ZFHX3: variants seen among roughly 807,000 people sequenced by gnomAD.
The protein encoded by ZFHX3 is zinc finger homeobox protein 3.
A neutral mutation model predicts 279.1 loss-of-function variants in ZFHX3; 42 were observed. The observed-to-expected ratio is 0.15, with a 90% CI of 0.12 to 0.19. The LOEUF is 0.19. Ranked by LOEUF, ZFHX3 falls within the 10% of genes least tolerant of loss-of-function variation. The probability of loss-of-function intolerance (pLI) is 1.00; values close to 1 mark genes in which losing one functional copy is unlikely to be tolerated. For missense variants in ZFHX3, 4,981 were observed against 4,754.0 expected, an observed-to-expected ratio of 1.05 and a Z score of -1.40; for synonymous variants, 2,293 against 1,957.8, an observed-to-expected ratio of 1.17 and a Z score of -4.52.
At chr16:73,509,900 T>A (rs1373389293) in intron 2 of ZFHX3, among the ~76,000 whole-genome samples, 1 of 152,164 alleles carries the variant, frequency 6.6e-6, no homozygotes, top group African/African-American at 2.4e-5. Context: ...TTCACCATGT[T>A]GGCCAGGCTG....
intron 2 of ZFHX3, among the ~76,000 whole-genome samples, chr16:73,621,232 CA>C (rs1035731728): frequency 6.6e-6 from 1 of 152,192 alleles, no homozygotes; most frequent in African/African-American, 2.4e-5. Flanking sequence ...TTCCCTTCCG[CA>C]GCGTTACCTA....
intron 2 of ZFHX3, among the ~76,000 whole-genome samples, chr16:73,589,142 C>G (rs1219358899): frequency 1.3e-5 from 2 of 151,028 alleles, no homozygotes; most frequent in African/African-American, 4.9e-5. Flanking sequence ...CGCCTGTAAT[C>G]CCAGCTACTC....
intron 2 of ZFHX3, among the ~76,000 whole-genome samples, chr16:73,538,839 T>C (rs1213886048): frequency 1.3e-5 from 2 of 152,200 alleles, no homozygotes; most frequent in Non-Finnish European, 2.9e-5. Context: ...TCTGCCATCT[T>C]TTCAATAAAC....
intron 3 of ZFHX3, among the ~76,000 whole-genome samples, chr16:73,446,055 G>A (rs2018179938): frequency 1.3e-5 from 2 of 152,134 alleles, no homozygotes; most frequent in Admixed American, 6.5e-5. Context: ...ACTTTCCTGA[G>A]GATCTGTTTC....
chr16:73,845,327 A>C (rs532140800), intron 1 of ZFHX3, among the ~76,000 whole-genome samples: 37 of 152,174 alleles, frequency 2.4e-4, no homozygotes, highest in Admixed American at 2.4e-3. Context: ...AGGTTCTACA[A>C]ACTGCCTGTC....
intron 2 of ZFHX3, chr16:73,608,759 T>C (rs990961322): frequency 3.3e-5 from 5 of 152,204 alleles, no homozygotes; most frequent in Non-Finnish European, 7.3e-5. Flanking sequence ...CCTTGGTCCA[T>C]AAGCAGAGCT....
chr16:73,711,883 T>C lies in ZFHX3; in HGVS notation c.-1607-31643A>G, dbSNP rs138655458. Among the ~76,000 whole-genome samples the C allele has an allele frequency of 6.9e-3, 1,056 of 152,186 alleles. 6 individuals carry two copies. Among genetic ancestry groups the C allele is most frequent in the Non-Finnish European group, 0.011 (728 of 67,994 alleles). On this transcript the variant is annotated intron_variant, in intron 1 of 17. Transcript: ENST00000641206. The stretch of plus-strand genomic sequence containing the variant: ...TGGAAGAGATCTCACAGCAAATCTA[T>C]AAAGGGGCCCTCCAGCCCCACCTAC...
At chr16:73,204,470 T>C (rs2011724126) in intron 5 of ZFHX3, among the ~76,000 whole-genome samples, 2 of 152,240 alleles carry the variant, frequency 1.3e-5, no homozygotes, top group East Asian at 3.9e-4. Flanking sequence ...CAGTTCACAA[T>C]AGGGTTTGTG....
intron 7 of ZFHX3, among the ~76,000 whole-genome samples, chr16:73,115,139 C>A (rs1966416676): frequency 6.6e-6 from 1 of 152,108 alleles, no homozygotes; most frequent in South Asian, 2.1e-4. Context: ...AGACCCTGAT[C>A]CTGGCTGCCC....
At chr16:72,956,831 CA>C (rs11402709) in intron 2 of ZFHX3, among the ~76,000 whole-genome samples, 9 of 148,358 alleles carry the variant, frequency 6.1e-5, no homozygotes, top group Non-Finnish European at 1.0e-4. Flanking sequence ...CAAAAATAAG[CA>C]AAAAAAAAAA....
chr16:72,843,463 A>G (rs1453476968), intron 4 of ZFHX3, among the ~76,000 whole-genome samples: 3 of 147,248 alleles, frequency 2.0e-5, no homozygotes, highest in Non-Finnish European at 4.5e-5. Flanking sequence ...GTGAGCCGAG[A>G]TCCCGCCACT....
intron 3 of ZFHX3, among the ~76,000 whole-genome samples, chr16:72,948,537 G>C (rs1405824867): frequency 6.6e-6 from 1 of 152,164 alleles, no homozygotes; most frequent in Non-Finnish European, 1.5e-5. Context: ...GATGTTCTCA[G>C]CAAATCCGCC....
At chr16:73,764,459 A>G (rs2053906143) in intron 1 of ZFHX3, among the ~76,000 whole-genome samples, 2 of 152,332 alleles carry the variant, frequency 1.3e-5, no homozygotes, top group South Asian at 4.1e-4. Context: ...GGGGGAAGGC[A>G]GAGCTTTATC....
At chr16:73,867,851 T>C (rs1301416349) in intron 1 of ZFHX3, among the ~76,000 whole-genome samples, 1 of 152,196 alleles carries the variant, frequency 6.6e-6, no homozygotes, top group African/African-American at 2.4e-5. Context: ...GAGGTGGGCC[T>C]GTGGCCTCAG....
chr16:73,009,306 G>A (rs932892666), intron 1 of ZFHX3, among the ~76,000 whole-genome samples: 2 of 152,088 alleles, frequency 1.3e-5, no homozygotes, highest in Non-Finnish European at 2.9e-5. Flanking sequence ...TTCTGCAACT[G>A]GGAAATTCTG....
intron 1 of ZFHX3, among the ~76,000 whole-genome samples, chr16:73,792,440 C>T (rs1311727363): frequency 1.3e-5 from 2 of 152,132 alleles, no homozygotes; most frequent in African/African-American, 4.8e-5. Flanking sequence ...TACTAAATCA[C>T]AGAAATAATG....
At chr16:72,969,621 C>T (rs1300357726) in intron 1 of ZFHX3, among the ~76,000 whole-genome samples, 2 of 152,062 alleles carry the variant, frequency 1.3e-5, no homozygotes, top group Non-Finnish European at 2.9e-5. Flanking sequence ...CCCTCACTAA[C>T]CCCACCTCCT....
At chr16:73,453,995 C>T (rs373602246) in intron 3 of ZFHX3, among the ~76,000 whole-genome samples, 65 of 152,180 alleles carry the variant, frequency 4.3e-4, no homozygotes, top group Non-Finnish European at 6.8e-4. Context: ...ACAGCCAAAC[C>T]GTATCAGTGA....
chr16:72,868,259 C>A (rs1286525750), intron 4 of ZFHX3, among the ~76,000 whole-genome samples: 1 of 152,060 alleles, frequency 6.6e-6, no homozygotes, highest in Non-Finnish European at 1.5e-5. Flanking sequence ...ACATCATTTT[C>A]ACCCTCCCTT....
Sources: allele counts gnomAD v4.1 joint callset (sites outside exome capture counted in the v4.1 genomes callset), GRCh38; gene constraint gnomAD v4.1.1; transcripts MANE v1.5; gene names NCBI Gene and HGNC (gene_info 2026-07-23, HGNC 2026-07-21).